The following EPHA4 variants were observed in gnomAD, a reference collection of about 807,000 sequenced individuals.
EPHA4 encodes the protein EPH receptor A4.
EPHA4 carries 19 observed loss-of-function variants against 108.3 expected under a neutral mutation model. The ratio of observed to expected loss-of-function variants is 0.18; its 90% CI spans 0.12 to 0.26. The LOEUF (loss-of-function observed/expected upper bound fraction) is 0.26. Among genes scored for constraint, EPHA4 ranks in the 10% least tolerant of loss-of-function variants. The pLI is 1.00. For synonymous variants in EPHA4, 449 were observed against 455.5 expected (o/e 0.99, Z 0.18); for missense variants, 917 against 1,254.0 (o/e 0.73, Z 4.06).
At chr2:221,446,358 T>G (rs535866094) in intron 8 of EPHA4, among the ~76,000 whole-genome samples, 177 bp from the exon 9 acceptor site, 88 of 152,232 alleles carry the variant, frequency 5.8e-4, no homozygotes, top group African/African-American at 1.9e-3. Flanking sequence ...TAGTGAGTCA[T>G]GGTTTTAAGC....
At position 221,563,533 on chromosome 2, in the gene EPHA4, C is replaced by G. The variant is rs138020981; in HGVS notation, c.823+198G>C. On this transcript the variant is annotated intron_variant, in intron 3 of 17. Coordinates refer to ENST00000281821, the MANE Select transcript of EPHA4 (RefSeq NM_004438.5). ...GTGTTTGGCTTTCTGCTGATTACAGCAGCATCATTTATTTTGTCAGTATTA... is the reference window on the plus strand; with the variant it reads ...GTGTTTGGCTTTCTGCTGATTACAGGAGCATCATTTATTTTGTCAGTATTA... Among the ~76,000 whole-genome samples, 142 of 152,302 alleles carry G rather than the reference C, an allele frequency of 9.3e-4. 2 individuals carry two copies. The South Asian group carries it at 0.017, about 18-fold the overall frequency.
chr2:221,494,440 C>T (rs894791498), intron 4 of EPHA4, among the ~76,000 whole-genome samples: 2 of 152,104 alleles, frequency 1.3e-5, no homozygotes, highest in Admixed American at 6.5e-5. Flanking sequence ...CCAGGCTCTA[C>T]TAAAAATACA....
intron 3 of EPHA4, among the ~76,000 whole-genome samples, chr2:221,555,551 A>C (rs1694280403): frequency 1.3e-5 from 2 of 152,260 alleles, no homozygotes; most frequent in Non-Finnish European, 2.9e-5. Flanking sequence ...CTGAATATTC[A>C]TAAAATGTTC....
At chr2:221,515,518 C>A (rs554680661) in intron 3 of EPHA4, among the ~76,000 whole-genome samples, 1 of 152,148 alleles carries the variant, frequency 6.6e-6, no homozygotes, top group Non-Finnish European at 1.5e-5. Context: ...AAAATTAGAT[C>A]CTGGCCACAT....
chr2:221,502,948 AT>A (rs1692524003), intron 3 of EPHA4, among the ~76,000 whole-genome samples: 1 of 152,228 alleles, frequency 6.6e-6, no homozygotes, highest in Non-Finnish European at 1.5e-5. Context: ...TACACATTGC[AT>A]AATTAGATAA....
At chr2:221,529,513 T>C (rs945280812) in intron 3 of EPHA4, among the ~76,000 whole-genome samples, 6 of 152,200 alleles carry the variant, frequency 3.9e-5, no homozygotes, top group African/African-American at 1.2e-4. Context: ...ATCTGTTGCA[T>C]CCAGGCAGAG....
intron 2 of EPHA4, among the ~76,000 whole-genome samples, chr2:221,566,944 G>GGGAAGAGGAAGAGGAAGA (rs1559297332): frequency 1.3e-4 from 1 of 7,698 alleles, no homozygotes; most frequent in African/African-American, 5.3e-4. Context: ...GAAGGAGAAG[G>GGGAAGAGGAAGAGGAAGA]AGAAGGAGAA....
chr2:221,515,169 C>G (rs187234159), intron 3 of EPHA4, among the ~76,000 whole-genome samples: 124 of 152,288 alleles, frequency 8.1e-4, no homozygotes, highest in African/African-American at 2.7e-3. Flanking sequence ...GATCTTGGCT[C>G]ACTGCAACCT....
At chr2:221,533,725 C>CAAA (rs144676444) in intron 3 of EPHA4, among the ~76,000 whole-genome samples, 9 of 63,512 alleles carry the variant, frequency 1.4e-4, no homozygotes, top group Admixed American at 2.0e-4. Context: ...TGACTAGTGT[C>CAAA]AAAAAAAAAA....
chr2:221,513,055 G>C (rs1355923238), intron 3 of EPHA4, among the ~76,000 whole-genome samples: 1 of 152,120 alleles, frequency 6.6e-6, no homozygotes, highest in Non-Finnish European at 1.5e-5. Flanking sequence ...GTATCACCTG[G>C]AGAAAAAGAG....
At chr2:221,548,549 T>G (rs886348799) in intron 3 of EPHA4, among the ~76,000 whole-genome samples, 1 of 140,994 alleles carries the variant, frequency 7.1e-6, no homozygotes, top group Non-Finnish European at 1.6e-5. Flanking sequence ...TTAAACCACT[T>G]TTTTTTTTTA....
chr2:221,501,149 C>T lies in EPHA4; in HGVS notation c.847G>A (p.Ala283Thr), dbSNP rs146488160. 14 of 1,606,312 alleles carry T rather than the reference C, an allele frequency of 8.7e-6. No individual in the cohort carries two copies. In the African/African-American group the frequency reaches 1.9e-4, roughly 22 times the overall value. The change falls in exon 4 of 18, where the codon GCT (alanine) becomes ACT (threonine). Residue 283 changes from alanine (A) to threonine (T), a missense_variant. Ala to Thr is a moderately conservative substitution (Grantham distance 58). Coordinates refer to ENST00000281821, the MANE Select transcript of EPHA4 (RefSeq NM_004438.5). ...GCACAGGTGGCATCCGTGGAGAGAG[C>T]CTTGTAATATCCAATTTTGCAAGCT... ...CQACKIGYYK[A>T]LSTDATCAKC... is the part of the protein sequence containing the mutation.
chr2:221,483,535 T>TGTGTGTGTGTGAGA (rs574575643), intron 4 of EPHA4, among the ~76,000 whole-genome samples: 2 of 150,194 alleles, frequency 1.3e-5, no homozygotes, highest in African/African-American at 4.9e-5. Flanking sequence ...TGTGTGTGTG[T>TGTGTGTGTGTGAGA]GATGGAGTCT....
intron 8 of EPHA4, among the ~76,000 whole-genome samples, chr2:221,452,765 G>A (rs535978968): frequency 1.3e-5 from 2 of 152,090 alleles, no homozygotes; most frequent in East Asian, 3.9e-4. Context: ...TAACTCGACA[G>A]GCTCAATTCT....
At chr2:221,438,921 C>A (rs1470421281) in intron 11 of EPHA4, among the ~76,000 whole-genome samples, 1 of 152,182 alleles carries the variant, frequency 6.6e-6, no homozygotes, top group Non-Finnish European at 1.5e-5. Flanking sequence ...ACATTTTCCA[C>A]CCAGTGATTC....
chr2:221,501,019 G>A lies in EPHA4; in HGVS notation c.977C>T (p.Thr326Ile). 6.2e-7 allele frequency: 1 copy of A among 1,603,150 alleles called. No homozygotes were observed. The highest frequency in any genetic ancestry group is 8.5e-7 in the Non-Finnish European group (1 of 1,175,712). The change falls in exon 4 of 18, where the codon ACC becomes ATC. Residue 326 changes from threonine to isoleucine, a missense_variant and splice_region_variant. By Grantham distance (89) the Thr-to-Ile change is moderately conservative (BLOSUM62 -1). Transcript: ENST00000281821. ...ADNDAASMPCTRPPSAPLNLI... is the reference protein window; with the variant it reads ...ADNDAASMPCIRPPSAPLNLI... ...TGAGAGACAAGCATACAACTTACGG[G>A]TGCAGGGCATAGAGGCAGCATCGTT...
chr2:221,503,157 A>C (rs1284649267), intron 3 of EPHA4, among the ~76,000 whole-genome samples: 1 of 152,194 alleles, frequency 6.6e-6, no homozygotes, highest in Non-Finnish European at 1.5e-5. Context: ...CAGTCGACAA[A>C]AGCAACTTGT....
chr2:221,562,637 A>G (rs1694503478), intron 3 of EPHA4, among the ~76,000 whole-genome samples: 1 of 152,236 alleles, frequency 6.6e-6, no homozygotes, highest in Non-Finnish European at 1.5e-5. Context: ...GACCAGAATT[A>G]CATTCTAACT....
chr2:221,535,888 C>G (rs558239570), intron 3 of EPHA4, among the ~76,000 whole-genome samples: 17 of 152,094 alleles, frequency 1.1e-4, no homozygotes, highest in Admixed American at 1.0e-3. Context: ...ATCTGATGAA[C>G]GAGCCAGGGG....
Sources: gnomAD v4.1 joint callset for allele counts (sites outside exome capture counted in the v4.1 genomes callset) on GRCh38, gnomAD v4.1.1 for gene constraint, MANE v1.5 for transcripts, NCBI Gene and HGNC (gene_info 2026-07-23, HGNC 2026-07-21) for gene names.